Variants in PNKD observed in about 807,000 individuals in gnomAD.
PNKD encodes the protein PNKD metallo-beta-lactamase domain containing, also known as probable thioesterase PNKD.
PNKD carries 36 observed loss-of-function variants against 45.3 expected under a neutral mutation model. That is an observed-to-expected ratio of 0.80 (90% CI 0.61 to 1.05). The LOEUF (loss-of-function observed/expected upper bound fraction) is 1.05, where lower values mean the gene tolerates loss of function less well. Among genes scored for constraint, PNKD ranks in the 50% least tolerant of loss-of-function variants. PNKD has a pLI of 0.00. For synonymous variants in PNKD, 197 were observed against 210.1 expected (o/e 0.94, Z 0.54); for missense variants, 511 against 506.6 (o/e 1.01, Z -0.08).
intron 2 of PNKD, among the ~76,000 whole-genome samples, chr2:218,303,236 C>T (rs1054280802): frequency 2.6e-5 from 4 of 152,130 alleles, no homozygotes; most frequent in Admixed American, 2.6e-4. Context: ...GTGTGAGCCA[C>T]CAGCCCAGCC....
At chr2:218,337,964 T>C (rs1284314671) in intron 2 of PNKD, among the ~76,000 whole-genome samples, 1 of 151,414 alleles carries the variant, frequency 6.6e-6, no homozygotes, top group Non-Finnish European at 1.5e-5. Flanking sequence ...CTGGCCCACA[T>C]GGTGAAACCC....
At chr2:218,344,339 GA>G in intron 8 of PNKD, 115 bp from the exon 9 acceptor site, 1 of 762,086 alleles carries the variant, frequency 1.3e-6, no homozygotes, top group South Asian at 1.5e-5. Flanking sequence ...TGGAAGTGCT[GA>G]CCTCATCCCT....
chr2:218,282,980 G>A (rs746759593), intron 2 of PNKD, among the ~76,000 whole-genome samples: 18 of 152,150 alleles, frequency 1.2e-4, no homozygotes, highest in Admixed American at 6.5e-5. Flanking sequence ...GTGAGTGCAC[G>A]GCCCCTCGCC....
chr2:218,320,285 G>A (rs1419183591), intron 2 of PNKD, among the ~76,000 whole-genome samples: 1 of 152,232 alleles, frequency 6.6e-6, no homozygotes, highest in East Asian at 1.9e-4. Context: ...GGGGCACAGT[G>A]TGATAGTTTG....
chr2:218,272,865 G>C, intron 2 of PNKD: 1 of 1,601,560 alleles, frequency 6.2e-7, no homozygotes, highest in Non-Finnish European at 8.5e-7. Flanking sequence ...ATGAAGCCCA[G>C]GCTGTTGCCA....
intron 2 of PNKD, chr2:218,286,021 T>TA (rs1559508851): frequency 6.5e-6 from 1 of 154,252 alleles, no homozygotes; most frequent in Non-Finnish European, 1.5e-5. Context: ...GAATGGAGGG[T>TA]AAGGGAAGGA....
chr2:218,280,292 C>A (rs1691758098), intron 2 of PNKD: 1 of 590,718 alleles, frequency 1.7e-6, no homozygotes, highest in Admixed American at 2.9e-5. Context: ...CTCAGAGTGA[C>A]CCAGAGCCGG....
At chr2:218,289,155 CGATA>C (rs975940802) in intron 2 of PNKD, among the ~76,000 whole-genome samples, 32 of 152,332 alleles carry the variant, frequency 2.1e-4, no homozygotes, top group Non-Finnish European at 3.5e-4. Flanking sequence ...AAGATCAAAA[CGATA>C]GATAGAAAGG....
At chr2:218,311,337 T>C (rs1693611024) in intron 2 of PNKD, among the ~76,000 whole-genome samples, 1 of 152,050 alleles carries the variant, frequency 6.6e-6, no homozygotes, top group African/African-American at 2.4e-5. Context: ...AGAGACAAAG[T>C]ATAGAGAAAG....
In PNKD at chr2:218,300,270, A is replaced by G. The variant is rs560671682; in HGVS notation, c.236+28721A>G. On this transcript the variant is annotated intron_variant, in intron 2 of 9. Transcript: ENST00000273077. ...TAAGTTCATGCACACTAACTTGTCCATTCATACTAACACACCCATCCTAGG... is the reference window on the plus strand; with the variant it reads ...TAAGTTCATGCACACTAACTTGTCCGTTCATACTAACACACCCATCCTAGG... 5.1e-4 allele frequency among the ~76,000 whole-genome samples: 77 copies of G among 152,272 alleles called. 1 individual carries two copies. In the South Asian group the frequency reaches 0.014, roughly 29 times the overall value.
chr2:218,278,136 G>C, intron 2 of PNKD: 2 of 749,364 alleles, frequency 2.7e-6, no homozygotes, highest in Non-Finnish European at 4.3e-6. Context: ...GGTGTGGTAC[G>C]CAGGGACAAC....
intron 2 of PNKD, among the ~76,000 whole-genome samples, chr2:218,329,958 T>G (rs1694271150): frequency 1.3e-5 from 2 of 151,894 alleles, no homozygotes; most frequent in Admixed American, 1.3e-4. Context: ...CTGTCGTTGG[T>G]GAGATGCAGA....
intron 2 of PNKD, chr2:218,279,948 G>T (rs1691697162): frequency 9.8e-7 from 1 of 1,022,096 alleles, no homozygotes; most frequent in Non-Finnish European, 1.6e-6. Flanking sequence ...ATGCCCTGGG[G>T]CTACTGTGGC....
In PNKD at chr2:218,271,368, C is replaced by T. The variant is rs1205516394; in HGVS notation, c.68-13C>T. The T allele has an allele frequency of 6.2e-7, 1 of 1,612,482 alleles. No individual in the cohort carries two copies. Among genetic ancestry groups the T allele is most frequent in the Non-Finnish European group, 8.5e-7 (1 of 1,179,084 alleles). On this transcript the variant is annotated splice_polypyrimidine_tract_variant and intron_variant, in intron 1 of 9. Coordinates refer to ENST00000273077, the MANE Select transcript of PNKD (RefSeq NM_015488.5). Reference sequence around the variant, plus strand: ...CATCTCTTCTTACTGACCTTCCTTACCTCCATCCACAGGGATTCTCGCAGG... The same window carrying T: ...CATCTCTTCTTACTGACCTTCCTTATCTCCATCCACAGGGATTCTCGCAGG...
At chr2:218,309,277 G>A (rs1693522524) in intron 2 of PNKD, among the ~76,000 whole-genome samples, 1 of 151,362 alleles carries the variant, frequency 6.6e-6, no homozygotes, top group African/African-American at 2.4e-5. Flanking sequence ...AAATTAGCCG[G>A]GCGTGGTGGT....
intron 2 of PNKD, among the ~76,000 whole-genome samples, chr2:218,291,033 A>AG (rs1217208200): frequency 4.6e-5 from 7 of 152,280 alleles, no homozygotes; most frequent in South Asian, 2.1e-4. Flanking sequence ...GCCCAGGGTG[A>AG]GGCCTGCGGT....
intron 2 of PNKD, chr2:218,283,957 G>C (rs909046481): frequency 3.3e-5 from 5 of 152,114 alleles, no homozygotes; most frequent in Non-Finnish European, 7.3e-5. Flanking sequence ...ATGAGGTCAG[G>C]AGTTCGAGAC....
intron 2 of PNKD, chr2:218,278,009 G>T (rs1347742602): frequency 6.2e-7 from 1 of 1,613,062 alleles, no homozygotes; most frequent in African/African-American, 1.3e-5. Context: ...TAAATGACTT[G>T]GGGCCCCTCA....
In PNKD at chr2:218,315,053, T is replaced by TTC. The variant is rs1553667757; in HGVS notation, c.237-24730_237-24729insTC. On this transcript the variant is annotated intron_variant, in intron 2 of 9. Coordinates refer to ENST00000273077, the MANE Select transcript of PNKD (RefSeq NM_015488.5). Reference sequence around the variant, plus strand: ...CTTTCTTTCTTTTTCTTTCTTTCTTTCTTTCTTCCTTCCTTCCTTCCTTTC... The same window carrying TTC: ...CTTTCTTTCTTTTTCTTTCTTTCTTTTCCTTTCTTCCTTCCTTCCTTCCTTTC... 2.3e-4 allele frequency among the ~76,000 whole-genome samples: 11 copies of TTC among 47,974 alleles called. 1 individual carries two copies. Among genetic ancestry groups the TTC allele is most frequent in the South Asian group, 1.5e-3 (2 of 1,358 alleles). 31.5% of individuals were successfully genotyped at this position (47,974 alleles called of 152,430 possible).
Sources: allele counts gnomAD v4.1 joint callset (sites outside exome capture counted in the v4.1 genomes callset), GRCh38; gene constraint gnomAD v4.1.1; transcripts MANE v1.5; gene names NCBI Gene and HGNC (gene_info 2026-07-23, HGNC 2026-07-21).